Variants in CCSER1 observed in about 807,000 individuals in gnomAD.
The protein encoded by CCSER1 is coiled-coil serine rich protein 1.
CCSER1 carries 41 observed loss-of-function variants against 82.0 expected under a neutral mutation model. The ratio of observed to expected loss-of-function variants is 0.50; its 90% CI spans 0.39 to 0.65. CCSER1 has a LOEUF of 0.65. Among genes scored for constraint, CCSER1 ranks in the 30% least tolerant of loss-of-function variants. The pLI is 0.00. For synonymous variants in CCSER1, 414 were observed against 383.9 expected (o/e 1.08, Z -0.92); for missense variants, 1,119 against 1,064.2 (o/e 1.05, Z -0.72).
At chr4:90,173,390 A>G (rs569615995) in intron 1 of CCSER1, among the ~76,000 whole-genome samples, 1 of 151,942 alleles carries the variant, frequency 6.6e-6, no homozygotes, top group East Asian at 1.9e-4. Context: ...ATTGTTCTAA[A>G]TGGTTACATT....
chr4:90,885,364 TATA>T (rs1255543173), intron 8 of CCSER1, among the ~76,000 whole-genome samples: 1 of 152,216 alleles, frequency 6.6e-6, no homozygotes, highest in African/African-American at 2.4e-5. Flanking sequence ...GAAAAGATGA[TATA>T]ATTGAATTTA....
chr4:90,915,567 G>C (rs1229736428), intron 8 of CCSER1, among the ~76,000 whole-genome samples: 1 of 152,096 alleles, frequency 6.6e-6, no homozygotes, highest in Non-Finnish European at 1.5e-5. Flanking sequence ...CATACTGAAT[G>C]GGCAAAAACT....
chr4:90,186,845 C>T (rs1232324440), intron 1 of CCSER1, among the ~76,000 whole-genome samples: 1 of 151,588 alleles, frequency 6.6e-6, no homozygotes, highest in Non-Finnish European at 1.5e-5. Context: ...CCTGGTTTTT[C>T]CCCCCCATGG....
intron 8 of CCSER1, among the ~76,000 whole-genome samples, chr4:90,871,290 A>G (rs1001261527): frequency 1.3e-5 from 2 of 151,654 alleles, no homozygotes; most frequent in African/African-American, 4.8e-5. Context: ...GTTTTAAAAA[A>G]AAATATTTAG....
intron 8 of CCSER1, chr4:90,911,107 C>T (rs541241173): frequency 2.8e-6 from 1 of 353,102 alleles, no homozygotes; most frequent in South Asian, 2.3e-5. Context: ...AGAGAGCCAG[C>T]CTGTGTTCTT....
intron 7 of CCSER1, chr4:90,781,066 A>G: frequency 5.7e-6 from 1 of 175,570 alleles, no homozygotes; most frequent in Non-Finnish European, 1.1e-5. Context: ...GGCGCCACAT[A>G]ATTTTAAATT....
At chr4:91,254,909 A>G (rs2149154816) in intron 10 of CCSER1, among the ~76,000 whole-genome samples, 1 of 152,202 alleles carries the variant, frequency 6.6e-6, no homozygotes, top group African/African-American at 2.4e-5. Flanking sequence ...TGTAAAAACA[A>G]TATTTTCCTT....
chr4:90,713,243 G>T (rs1429213106), intron 6 of CCSER1, among the ~76,000 whole-genome samples: 1 of 151,928 alleles, frequency 6.6e-6, no homozygotes, highest in African/African-American at 2.4e-5. Flanking sequence ...AGTGTCACTG[G>T]TGTGTGTACT....
intron 5 of CCSER1, among the ~76,000 whole-genome samples, chr4:90,509,356 AAAAC>A (rs1560633529): frequency 6.6e-6 from 1 of 152,148 alleles, no homozygotes; most frequent in East Asian, 1.9e-4. Flanking sequence ...AGTGTAATAA[AAAAC>A]AAAGAATAAT....
intron 9 of CCSER1, among the ~76,000 whole-genome samples, chr4:91,057,199 G>C (rs1743525948): frequency 6.6e-6 from 1 of 152,166 alleles, no homozygotes; most frequent in Admixed American, 6.5e-5. Context: ...ATAGCTGCCT[G>C]TCTCAGGAAT....
At chr4:90,211,112 C>T (rs1474645728) in intron 1 of CCSER1, among the ~76,000 whole-genome samples, 1 of 152,072 alleles carries the variant, frequency 6.6e-6, no homozygotes, top group Non-Finnish European at 1.5e-5. Flanking sequence ...AACTTAGTAA[C>T]TTTTCTTTCA....
At chr4:91,565,045 T>C (rs1762822750) in intron 10 of CCSER1, among the ~76,000 whole-genome samples, 1 of 126,596 alleles carries the variant, frequency 7.9e-6, no homozygotes, top group Admixed American at 7.7e-5. Context: ...TGTGTGTGTG[T>C]GTGTGTGTGT....
In CCSER1 at chr4:91,600,833, C is replaced by T. The variant is rs899036974; in HGVS notation, c.*1776C>T. ...CTTTCTTTGCGTGTTTGTAATTCTG[C>T]CAAAAGAGAACAATATACACTGCAA... On this transcript the variant is annotated 3_prime_UTR_variant, in exon 11 of 11. Transcript: ENST00000509176. 3 of 152,012 alleles carry T rather than the reference C, an allele frequency of 2.0e-5. No individual in the cohort carries two copies. The highest frequency in any genetic ancestry group is 1.3e-4 in the Admixed American group (2 of 15,218). 9.4% of individuals were successfully genotyped at this position (152,012 alleles called of 1,614,324 possible).
intron 6 of CCSER1, among the ~76,000 whole-genome samples, chr4:90,695,835 C>T (rs1736897318): frequency 6.6e-6 from 1 of 151,700 alleles, no homozygotes; most frequent in Non-Finnish European, 1.5e-5. Context: ...TTTCATCATA[C>T]TTTATGAGTG....
chr4:91,444,552 C>G (rs553968216), intron 10 of CCSER1, among the ~76,000 whole-genome samples: 1 of 151,928 alleles, frequency 6.6e-6, no homozygotes, highest in Admixed American at 6.6e-5. Context: ...TGGGTTCAAG[C>G]GATCCTCCTG....
intron 9 of CCSER1, among the ~76,000 whole-genome samples, chr4:91,045,286 A>G (rs537981269): frequency 6.6e-6 from 1 of 152,350 alleles, no homozygotes; most frequent in South Asian, 2.1e-4. Flanking sequence ...ATTTATTAAT[A>G]TGTGAAAATG....
intron 10 of CCSER1, among the ~76,000 whole-genome samples, chr4:91,493,547 CTTA>C (rs1399758678): frequency 6.6e-6 from 1 of 151,590 alleles, no homozygotes; most frequent in Non-Finnish European, 1.5e-5. Flanking sequence ...TTATGGAATT[CTTA>C]TTATTTTGTT....
intron 1 of CCSER1, among the ~76,000 whole-genome samples, chr4:90,300,551 A>G (rs923509972): frequency 1.3e-5 from 2 of 152,162 alleles, no homozygotes; most frequent in Non-Finnish European, 2.9e-5. Flanking sequence ...AAGAGAGACA[A>G]AAATACTTAG....
At chr4:91,080,365 C>A (rs562490606) in intron 9 of CCSER1, among the ~76,000 whole-genome samples, 3 of 152,238 alleles carry the variant, frequency 2.0e-5, no homozygotes, top group Admixed American at 6.5e-5. Flanking sequence ...CTCTTTGAAA[C>A]CAATGAGAAC....
Sources: gnomAD v4.1 joint callset for allele counts (sites outside exome capture counted in the v4.1 genomes callset) on GRCh38, gnomAD v4.1.1 for gene constraint, MANE v1.5 for transcripts, NCBI Gene and HGNC (gene_info 2026-07-23, HGNC 2026-07-21) for gene names.